RPS6KA5: variants seen among roughly 807,000 people sequenced by gnomAD.
RPS6KA5 encodes the protein ribosomal protein S6 kinase A5, also known as ribosomal protein S6 kinase alpha-5.
In RPS6KA5, 27 loss-of-function variants were observed where a neutral mutation model predicts 85.5. The ratio of observed to expected loss-of-function variants is 0.32; its 90% CI spans 0.23 to 0.44. The LOEUF is 0.44. Among genes scored for constraint, RPS6KA5 ranks in the 20% least tolerant of loss-of-function variants. RPS6KA5 has a pLI of 1.00. For missense variants in RPS6KA5, 811 were observed against 980.9 expected (o/e 0.83, Z 2.31); for synonymous variants, 334 against 348.2 (o/e 0.96, Z 0.46).
intron 7 of RPS6KA5, among the ~76,000 whole-genome samples, chr14:90,914,803 C>T (rs2036025676): frequency 1.3e-5 from 2 of 152,210 alleles, no homozygotes; most frequent in Admixed American, 6.5e-5. Flanking sequence ...GTCACCCTGT[C>T]CTCTCCTTGC....
intron 8 of RPS6KA5, 59 bp downstream of exon 8, chr14:90,906,090 G>A (rs1279995133): frequency 4.8e-6 from 7 of 1,466,868 alleles, no homozygotes; most frequent in South Asian, 4.3e-5. Flanking sequence ...CACCAAGAAC[G>A]CCAAGGACCC....
chr14:90,975,582 G>A, intron 3 of RPS6KA5, among the ~76,000 whole-genome samples: 1 of 152,150 alleles, frequency 6.6e-6, no homozygotes, highest in Non-Finnish European at 1.5e-5. Context: ...AGAGGCCGTG[G>A]GAGAAACCAA....
At chr14:91,050,424 G>T (rs1031034338) in intron 1 of RPS6KA5, among the ~76,000 whole-genome samples, 3 of 150,794 alleles carry the variant, frequency 2.0e-5, no homozygotes, top group Non-Finnish European at 4.4e-5. Context: ...TTATTGGCTT[G>T]TTTTTTGTTT....
At chr14:90,996,168 C>T (rs968347306) in intron 2 of RPS6KA5, among the ~76,000 whole-genome samples, 1 of 151,866 alleles carries the variant, frequency 6.6e-6, no homozygotes, top group Admixed American at 6.6e-5. Context: ...AGTGTCACAA[C>T]AGCCCAGGCT....
At chr14:90,950,895 C>T (rs185998232) in intron 3 of RPS6KA5, among the ~76,000 whole-genome samples, 30 of 151,588 alleles carry the variant, frequency 2.0e-4, no homozygotes, top group African/African-American at 6.5e-4. Flanking sequence ...CTGAGGCAGG[C>T]GGATCACTTG....
chr14:90,885,408 C>A (rs1167665181), intron 14 of RPS6KA5, among the ~76,000 whole-genome samples: 4 of 149,798 alleles, frequency 2.7e-5, no homozygotes, highest in Non-Finnish European at 3.0e-5. Context: ...AAAAAATTAG[C>A]CGGGCGTAGT....
At chr14:91,036,486 C>A (rs1043935048) in intron 1 of RPS6KA5, among the ~76,000 whole-genome samples, 11 of 152,108 alleles carry the variant, frequency 7.2e-5, no homozygotes, top group Admixed American at 6.5e-4. Context: ...GGCAGGTAGA[C>A]AAACAGATCC....
chr14:90,969,844 C>T (rs909702293), intron 3 of RPS6KA5, among the ~76,000 whole-genome samples: 3 of 152,070 alleles, frequency 2.0e-5, no homozygotes, highest in African/African-American at 4.8e-5. Context: ...ATGATTCAGA[C>T]CACTTCTCTC....
At chr14:91,032,273 C>T (rs1397269143) in intron 1 of RPS6KA5, among the ~76,000 whole-genome samples, 1 of 152,212 alleles carries the variant, frequency 6.6e-6, no homozygotes, top group Non-Finnish European at 1.5e-5. Flanking sequence ...AGGGCAAAAG[C>T]TAAAACACAT....
intron 7 of RPS6KA5, among the ~76,000 whole-genome samples, chr14:90,914,309 G>GTTT (rs10658805): frequency 0.094 from 7,677 of 81,382 alleles, 555 homozygotes; most frequent in African/African-American, 0.15. Context: ...GATCCCTAGG[G>GTTT]TTTTTTTTTT....
chr14:90,945,870 G>A (rs936466823), intron 4 of RPS6KA5, among the ~76,000 whole-genome samples: 5 of 152,076 alleles, frequency 3.3e-5, no homozygotes, highest in Non-Finnish European at 7.4e-5. Flanking sequence ...AGGTGTGGTG[G>A]CACGTTCCTG....
At chr14:90,890,009 T>C (rs922806018) in intron 14 of RPS6KA5, among the ~76,000 whole-genome samples, 1 of 152,232 alleles carries the variant, frequency 6.6e-6, no homozygotes, top group African/African-American at 2.4e-5. Flanking sequence ...GCCAAGGACA[T>C]TTTGTGAAAA....
rs377606045 is a variant in RPS6KA5, at chr14:90,961,077, C to T, written c.395-13527G>A. Among the ~76,000 whole-genome samples, 36 of 152,216 alleles carry T rather than the reference C, an allele frequency of 2.4e-4. 1 individual carries two copies. The East Asian group carries it at 6.6e-3, about 28-fold the overall frequency. ...ATGTAAAACAATGACTTGGGTGGCC[C>T]TCCTTAAAAGTTTGTATCTGAACAC... On this transcript the variant is annotated intron_variant, in intron 3 of 16. Transcript: ENST00000614987.
In RPS6KA5 at chr14:90,860,167, A is replaced by G. The variant is rs1391727869; in HGVS notation, c.*11907T>C. The G allele has an allele frequency of 6.6e-6, 1 of 152,232 alleles. No homozygotes were observed. Among genetic ancestry groups the G allele is most frequent in the Non-Finnish European group, 1.5e-5 (1 of 68,036 alleles). The allele number at this position is 152,232 out of a possible 1,614,324, so 9.4% of individuals were successfully genotyped here. A position where few individuals can be genotyped will look rare whatever the true frequency, so the allele number is the denominator to read the frequency against. On this transcript the variant is annotated 3_prime_UTR_variant, in exon 17 of 17. Transcript: ENST00000614987. ...TTAAAAGTGACCACAGAAAAAAGAC[A>G]CATTACCTTCAAAGGAAATATAACT...
At position 90,849,464 on chromosome 14, in the gene RPS6KA5, G is replaced by T. The variant is rs557267870; in HGVS notation, c.*22610C>A. 6.6e-6 allele frequency: 1 copy of T among 152,386 alleles called. No individual in the cohort carries two copies. The highest frequency in any genetic ancestry group is 1.5e-5 in the Non-Finnish European group (1 of 68,066). 9.4% of individuals were successfully genotyped at this position (152,386 alleles called of 1,614,324 possible). The stretch of plus-strand genomic sequence containing the variant: ...AGCTGATATGAGTGGACAGCAAAGA[G>T]CTGTGTAAACCTGTCTAAAACAGTG... On this transcript the variant is annotated 3_prime_UTR_variant, in exon 17 of 17. Coordinates refer to ENST00000614987, the MANE Select transcript of RPS6KA5 (RefSeq NM_004755.4).
intron 5 of RPS6KA5, among the ~76,000 whole-genome samples, chr14:90,942,001 G>T (rs2037596774): frequency 6.6e-6 from 1 of 152,140 alleles, no homozygotes; most frequent in Non-Finnish European, 1.5e-5. Flanking sequence ...TACGATATTT[G>T]TATCAAAGAT....
At chr14:90,979,304 GA>G (rs2039696234) in intron 2 of RPS6KA5, among the ~76,000 whole-genome samples, 1 of 152,230 alleles carries the variant, frequency 6.6e-6, no homozygotes, top group Admixed American at 6.5e-5. Context: ...GTGGAAGGAA[GA>G]GGGAGGAAGA....
intron 5 of RPS6KA5, among the ~76,000 whole-genome samples, chr14:90,927,240 C>T (rs1855546511): frequency 6.6e-6 from 1 of 152,082 alleles, no homozygotes; most frequent in African/African-American, 2.4e-5. Context: ...ATATACATGA[C>T]TTCCAGACCA....
chr14:91,013,559 C>T (rs1176688945), intron 1 of RPS6KA5, among the ~76,000 whole-genome samples: 2 of 151,676 alleles, frequency 1.3e-5, no homozygotes, highest in African/African-American at 2.4e-5. Context: ...TTAGTGCAGA[C>T]AGGCAGATGC....
Sources: gnomAD v4.1 joint callset for allele counts (sites outside exome capture counted in the v4.1 genomes callset) on GRCh38, gnomAD v4.1.1 for gene constraint, MANE v1.5 for transcripts, NCBI Gene and HGNC (gene_info 2026-07-23, HGNC 2026-07-21) for gene names.